The following PLXDC2 variants were observed in gnomAD, a reference collection of about 807,000 sequenced individuals.
The protein encoded by PLXDC2 is plexin domain-containing protein 2.
PLXDC2 carries 40 observed loss-of-function variants against 68.9 expected under a neutral mutation model. That is an observed-to-expected ratio of 0.58 (90% CI 0.45 to 0.76). The LOEUF (loss-of-function observed/expected upper bound fraction) is 0.76, where lower values mean the gene tolerates loss of function less well. Ranked by LOEUF, PLXDC2 falls within the 30% of genes least tolerant of loss-of-function variation. The pLI, the probability that PLXDC2 is intolerant of heterozygous loss-of-function variation, is 0.00. For missense variants in PLXDC2, 644 were observed against 661.9 expected (o/e 0.97, Z 0.30); for synonymous variants, 243 against 234.2 (o/e 1.04, Z -0.34).
intron 13 of PLXDC2, among the ~76,000 whole-genome samples, chr10:20,255,010 T>C (rs1731917562): frequency 6.6e-6 from 1 of 152,230 alleles, no homozygotes; most frequent in Admixed American, 6.5e-5. Context: ...ATAGTGTTTC[T>C]AATTTAATGA....
intron 1 of PLXDC2, among the ~76,000 whole-genome samples, chr10:19,974,857 A>G (rs1388045960): frequency 1.3e-5 from 2 of 152,216 alleles, no homozygotes; most frequent in East Asian, 3.8e-4. Flanking sequence ...TGAAACAATG[A>G]AACACTCTGG....
At chr10:20,208,315 G>T (rs1398264085) in intron 9 of PLXDC2, among the ~76,000 whole-genome samples, 1 of 152,120 alleles carries the variant, frequency 6.6e-6, no homozygotes, top group Non-Finnish European at 1.5e-5. Context: ...CATCTTACAT[G>T]GTGCAGACAA....
chr10:20,115,526 C>G (rs1018556856), intron 4 of PLXDC2, among the ~76,000 whole-genome samples: 4 of 152,042 alleles, frequency 2.6e-5, no homozygotes, highest in Non-Finnish European at 5.9e-5. Flanking sequence ...TACATAAAAA[C>G]CCATTATATC....
intron 1 of PLXDC2, among the ~76,000 whole-genome samples, chr10:19,922,482 CCTT>C (rs1403989562): frequency 1.3e-5 from 2 of 152,114 alleles, no homozygotes; most frequent in Non-Finnish European, 2.9e-5. Context: ...GGTGAGGCTT[CCTT>C]CTATGAGTCA....
chr10:20,181,330 A>C (rs976909632), intron 9 of PLXDC2, among the ~76,000 whole-genome samples: 7 of 152,074 alleles, frequency 4.6e-5, no homozygotes, highest in Non-Finnish European at 1.5e-5. Flanking sequence ...TGATCTAAAC[A>C]CTGAGGTAGT....
chr10:19,833,452 G>T (rs1237441108), intron 1 of PLXDC2, among the ~76,000 whole-genome samples: 1 of 152,124 alleles, frequency 6.6e-6, no homozygotes, highest in Non-Finnish European at 1.5e-5. Flanking sequence ...GATAGCCTAG[G>T]GCCAGATCTG....
chr10:19,868,437 A>G (rs967772369), intron 1 of PLXDC2, among the ~76,000 whole-genome samples: 3 of 152,184 alleles, frequency 2.0e-5, no homozygotes, highest in African/African-American at 7.2e-5. Context: ...AGTTCTGCCA[A>G]CGTTTAGCAA....
chr10:20,256,751 T>C (rs1296350895), intron 13 of PLXDC2, among the ~76,000 whole-genome samples: 12 of 152,248 alleles, frequency 7.9e-5, no homozygotes, highest in Admixed American at 7.8e-4. Flanking sequence ...ACTTGAATCC[T>C]GAATATGTAT....
intron 4 of PLXDC2, among the ~76,000 whole-genome samples, chr10:20,069,314 A>G (rs193248139): frequency 1.3e-5 from 2 of 152,320 alleles, no homozygotes; most frequent in Admixed American, 6.5e-5. Flanking sequence ...TGTGTAGCTT[A>G]GTGGAATATT....
chr10:20,124,346 GT>G (rs1360110095), intron 4 of PLXDC2, among the ~76,000 whole-genome samples: 1 of 152,188 alleles, frequency 6.6e-6, no homozygotes, highest in African/African-American at 2.4e-5. Context: ...TTGAGGGACA[GT>G]GAGAGAGGTT....
At chr10:20,077,604 A>C (rs1275166556) in intron 4 of PLXDC2, among the ~76,000 whole-genome samples, 1 of 152,212 alleles carries the variant, frequency 6.6e-6, no homozygotes, top group East Asian at 1.9e-4. Flanking sequence ...CTGAAGGCAA[A>C]GAAAATGGAA....
chr10:20,126,397 ATATATG>A (rs1273823033), intron 4 of PLXDC2, among the ~76,000 whole-genome samples: 11 of 145,850 alleles, frequency 7.5e-5, no homozygotes, highest in East Asian at 2.0e-4. Flanking sequence ...TATATAATAC[ATATATG>A]TATATACAAC....
chr10:20,188,896 T>G (rs938643501), intron 9 of PLXDC2, among the ~76,000 whole-genome samples: 2 of 151,752 alleles, frequency 1.3e-5, no homozygotes, highest in Non-Finnish European at 2.9e-5. Context: ...TTAAAGAAAT[T>G]TAAGGAGGTT....
chr10:20,060,251 C>A (rs1836076960), intron 3 of PLXDC2, among the ~76,000 whole-genome samples: 2 of 151,474 alleles, frequency 1.3e-5, no homozygotes, highest in East Asian at 2.0e-4. Flanking sequence ...TGGTGTCAAA[C>A]TCCTGGCCTC....
intron 4 of PLXDC2, among the ~76,000 whole-genome samples, chr10:20,105,651 T>C (rs957977275): frequency 3.3e-5 from 5 of 152,122 alleles, no homozygotes; most frequent in African/African-American, 9.7e-5. Context: ...TCCTGCCCCC[T>C]ACCCCCACCT....
At chr10:20,048,916 CGTT>C (rs1835844791) in intron 3 of PLXDC2, among the ~76,000 whole-genome samples, 2 of 152,164 alleles carry the variant, frequency 1.3e-5, no homozygotes, top group South Asian at 4.1e-4. Flanking sequence ...GTGGCAGTGA[CGTT>C]GTTGCTTTTA....
chr10:19,942,424 T>C (rs1344627920), intron 1 of PLXDC2, among the ~76,000 whole-genome samples: 1 of 152,246 alleles, frequency 6.6e-6, no homozygotes, highest in Non-Finnish European at 1.5e-5. Flanking sequence ...AGGCAAGTTC[T>C]GTAGTTACTA....
At chr10:20,076,682 A>C (rs1836456692) in intron 4 of PLXDC2, among the ~76,000 whole-genome samples, 1 of 152,162 alleles carries the variant, frequency 6.6e-6, no homozygotes, top group Admixed American at 6.6e-5. Flanking sequence ...AAAGCATAGA[A>C]GGGGTCTCAA....
At chr10:20,179,961 C>A (rs1358911652) in intron 9 of PLXDC2, among the ~76,000 whole-genome samples, 1 of 152,086 alleles carries the variant, frequency 6.6e-6, no homozygotes, top group Non-Finnish European at 1.5e-5. Context: ...TGTGTCACAC[C>A]TGCCAGGTTG....
Sources: gnomAD v4.1 joint callset for allele counts (sites outside exome capture counted in the v4.1 genomes callset) on GRCh38, gnomAD v4.1.1 for gene constraint, MANE v1.5 for transcripts, NCBI Gene and HGNC (gene_info 2026-07-23, HGNC 2026-07-21) for gene names.